The following CFAP61 variants were observed in gnomAD, a reference collection of about 807,000 sequenced individuals.
CFAP61 encodes cilia and flagella associated protein 61, also known as cilia- and flagella-associated protein 61.
Under a neutral mutation model 135.6 loss-of-function variants are expected in CFAP61, and 107 were observed. The ratio of observed to expected loss-of-function variants is 0.79; its 90% CI spans 0.67 to 0.93. CFAP61 has a LOEUF of 0.93. Ranked by LOEUF, CFAP61 falls within the 40% of genes least tolerant of loss-of-function variation. The pLI, the probability that CFAP61 is intolerant of heterozygous loss-of-function variation, is 0.00. For synonymous variants in CFAP61, 575 were observed against 578.5 expected (o/e 0.99, Z 0.09); for missense variants, 1,507 against 1,556.2 (o/e 0.97, Z 0.53).
At chr20:20,288,580 G>T in intron 22 of CFAP61, 29 bp from the exon 23 acceptor site, 1 of 1,557,058 alleles carries the variant, frequency 6.4e-7, no homozygotes, top group South Asian at 1.1e-5. Context: ...AGTGATAACT[G>T]AATATTGCTG....
At chr20:20,128,678 T>C (rs936878162) in intron 8 of CFAP61, among the ~76,000 whole-genome samples, 1 of 151,764 alleles carries the variant, frequency 6.6e-6, no homozygotes, top group African/African-American at 2.4e-5. Context: ...TCCATCCGAG[T>C]TGAAGCTGCA....
At position 20,171,590 on chromosome 20, in the gene CFAP61, C is replaced by A. The variant is rs996198; in HGVS notation, c.1385+2130C>A. On this transcript the variant is annotated intron_variant, in intron 13 of 26. Coordinates refer to ENST00000245957, the MANE Select transcript of CFAP61 (RefSeq NM_015585.4). ...TTTTCGTTCATGTTTTTGTTGTTGC[C>A]GATGTCTCAAAAATATCACATAATA... 0.9 allele frequency among the ~76,000 whole-genome samples: 136,943 copies of A among 152,218 alleles called. 62,419 individuals carry two copies. The highest frequency in any genetic ancestry group is 0.99 in the Middle Eastern group (290 of 294).
intron 6 of CFAP61, among the ~76,000 whole-genome samples, chr20:20,090,557 G>A (rs983285628): frequency 6.6e-6 from 1 of 151,894 alleles, no homozygotes; most frequent in Non-Finnish European, 1.5e-5. Context: ...GGGCGTGGTG[G>A]TGCATGCCTA....
At chr20:20,136,986 C>A (rs1245871961) in intron 8 of CFAP61, among the ~76,000 whole-genome samples, 2 of 152,108 alleles carry the variant, frequency 1.3e-5, no homozygotes, top group African/African-American at 4.8e-5. Flanking sequence ...AGCCCAGTAA[C>A]ATTTTGGTTC....
chr20:20,181,946 G>A (rs1340801656), intron 13 of CFAP61, among the ~76,000 whole-genome samples: 3 of 152,162 alleles, frequency 2.0e-5, no homozygotes, highest in Admixed American at 2.0e-4. Flanking sequence ...AATGAAAGAA[G>A]CAACTTCCTA....
At chr20:20,147,809 C>T (rs998606558) in intron 9 of CFAP61, among the ~76,000 whole-genome samples, 1 of 151,852 alleles carries the variant, frequency 6.6e-6, no homozygotes, top group African/African-American at 2.4e-5. Flanking sequence ...GGGTCTTAGT[C>T]ATGAATTCTT....
intron 25 of CFAP61, among the ~76,000 whole-genome samples, chr20:20,303,976 G>A (rs551290025): frequency 6.6e-6 from 1 of 152,280 alleles, no homozygotes; most frequent in East Asian, 1.9e-4. Flanking sequence ...TGTGCCAATG[G>A]GAACGGTGGC....
At chr20:20,115,913 A>G (rs1388292918) in intron 8 of CFAP61, among the ~76,000 whole-genome samples, 1 of 152,214 alleles carries the variant, frequency 6.6e-6, no homozygotes, top group Non-Finnish European at 1.5e-5. Flanking sequence ...AAGTGCAGAT[A>G]GCTCTTCAGT....
At chr20:20,059,243 G>C (rs189952804) in intron 2 of CFAP61, among the ~76,000 whole-genome samples, 1 of 133,766 alleles carries the variant, frequency 7.5e-6, no homozygotes, top group Non-Finnish European at 1.5e-5. Context: ...CAGGAGAATC[G>C]CTTGAACCCA....
At chr20:20,134,803 T>A (rs1206600667) in intron 8 of CFAP61, among the ~76,000 whole-genome samples, 1 of 152,158 alleles carries the variant, frequency 6.6e-6, no homozygotes, top group Non-Finnish European at 1.5e-5. Context: ...GATGCTGAGA[T>A]GGTAACAATC....
intron 1 of CFAP61, chr20:20,055,965 T>C: frequency 6.2e-7 from 1 of 1,611,132 alleles, no homozygotes. Context: ...GTCAACAGCA[T>C]TTCCCAAAGT....
At chr20:20,075,390 C>A in intron 5 of CFAP61, 99 bp from the exon 6 acceptor site, 1 of 1,384,912 alleles carries the variant, frequency 7.2e-7, no homozygotes, top group Non-Finnish European at 9.8e-7. Context: ...TTTATTAGAA[C>A]AATTAAGCAC....
intron 25 of CFAP61, among the ~76,000 whole-genome samples, chr20:20,324,324 T>C (rs980038904): frequency 3.9e-5 from 6 of 152,168 alleles, no homozygotes; most frequent in African/African-American, 1.4e-4. Flanking sequence ...CTGACCGCAG[T>C]CTCAGTTTGT....
chr20:20,199,631 T>C, intron 16 of CFAP61, 137 bp from the exon 17 acceptor site: 1 of 845,922 alleles, frequency 1.2e-6, no homozygotes, highest in Non-Finnish European at 1.8e-6. Context: ...AGAGTATGTT[T>C]GTTTATTTGC....
At chr20:20,188,232 A>C (rs925082278) in intron 14 of CFAP61, among the ~76,000 whole-genome samples, 176 bp downstream of exon 14, 1 of 152,212 alleles carries the variant, frequency 6.6e-6, no homozygotes, top group Admixed American at 6.5e-5. Context: ...GGCTTGAGGA[A>C]GTGAGACCAT....
rs894585164 is a variant in CFAP61, at chr20:20,232,382, G to GA, written c.2060+4016dup. The stretch of plus-strand genomic sequence containing the variant: ...ATTATATAAATGCTATAGCAAAATA[G>GA]AAAAAAAAAAGAAGAAGAAGAAGAA... On this transcript the variant is annotated intron_variant, in intron 18 of 26. Coordinates refer to ENST00000245957, the MANE Select transcript of CFAP61 (RefSeq NM_015585.4). Among the ~76,000 whole-genome samples, 127 of 144,060 alleles carry GA rather than the reference G, an allele frequency of 8.8e-4. No homozygotes were observed. The South Asian group carries it at 0.011, about 12-fold the overall frequency. 94.5% of individuals were successfully genotyped at this position (144,060 alleles called of 152,430 possible).
intron 22 of CFAP61, among the ~76,000 whole-genome samples, chr20:20,277,819 G>T (rs1481213200): frequency 6.6e-6 from 1 of 152,194 alleles, no homozygotes; most frequent in Non-Finnish European, 1.5e-5. Context: ...CACATGTCTG[G>T]CTGTTGATCC....
intron 24 of CFAP61, among the ~76,000 whole-genome samples, chr20:20,294,536 T>C (rs147164566): frequency 1.3e-5 from 2 of 152,220 alleles, no homozygotes; most frequent in Admixed American, 6.5e-5. Flanking sequence ...GCTTCTGGAC[T>C]CTAAGCCCTC....
intron 7 of CFAP61, among the ~76,000 whole-genome samples, chr20:20,093,348 G>T (rs189237159): frequency 4.6e-5 from 7 of 152,088 alleles, no homozygotes; most frequent in Admixed American, 1.3e-4. Context: ...GTTGGTTGGT[G>T]GGGGGATGAA....
Sources: allele counts gnomAD v4.1 joint callset (sites outside exome capture counted in the v4.1 genomes callset), GRCh38; gene constraint gnomAD v4.1.1; transcripts MANE v1.5; gene names NCBI Gene and HGNC (gene_info 2026-07-23, HGNC 2026-07-21).